Variants in PTPRM observed in about 807,000 individuals in gnomAD.
The protein encoded by PTPRM is protein tyrosine phosphatase receptor type M.
A neutral mutation model predicts 186.7 loss-of-function variants in PTPRM; 47 were observed. That is an observed-to-expected ratio of 0.25 (90% confidence interval 0.20 to 0.32). The LOEUF (loss-of-function observed/expected upper bound fraction) is 0.32, where lower values mean the gene tolerates loss of function less well. Ranked by LOEUF, PTPRM falls within the 10% of genes least tolerant of loss-of-function variation. The pLI, the probability that PTPRM is intolerant of heterozygous loss-of-function variation, is 1.00. For missense variants in PTPRM, 1,494 were observed against 1,865.0 expected (o/e 0.80, Z 3.66); for synonymous variants, 668 against 674.9 (o/e 0.99, Z 0.16).
chr18:7,885,378 A>C (rs1303038416), intron 2 of PTPRM, among the ~76,000 whole-genome samples: 1 of 151,142 alleles, frequency 6.6e-6, no homozygotes, highest in African/African-American at 2.4e-5. Context: ...AAACCACCAA[A>C]CCCCCCTTCT....
chr18:8,156,845 C>T (rs1013573924), intron 14 of PTPRM, among the ~76,000 whole-genome samples: 3 of 142,890 alleles, frequency 2.1e-5, no homozygotes, highest in East Asian at 2.2e-4. Flanking sequence ...ATGCTTTTTT[C>T]GTATCCTCCT....
chr18:8,156,322 T>C (rs1424095947), intron 14 of PTPRM, among the ~76,000 whole-genome samples: 2 of 152,172 alleles, frequency 1.3e-5, no homozygotes, highest in African/African-American at 4.8e-5. Flanking sequence ...GAGGAAAGTG[T>C]CAGAGAATGA....
intron 7 of PTPRM, among the ~76,000 whole-genome samples, chr18:8,016,346 C>G (rs979717427): frequency 1.4e-4 from 22 of 151,914 alleles, no homozygotes; most frequent in African/African-American, 5.3e-4. Flanking sequence ...ATGGTGAAAC[C>G]TCGTCTCTAC....
rs75389285 is a variant in PTPRM at position 7,942,778 on chromosome 18, A to G, written c.664-6403A>G. ...TTTCCTGCACTGCATCAACACTAAC[A>G]AAGTGGAGGGTGAGGTCTCTCTCCT... On this transcript the variant is annotated intron_variant, in intron 5 of 32. Transcript: ENST00000580170. 4.8e-3 allele frequency among the ~76,000 whole-genome samples: 735 copies of G among 152,204 alleles called. 6 individuals are homozygous for G. The highest frequency in any genetic ancestry group is 0.017 in the African/African-American group (698 of 41,536).
At chr18:8,397,829 G>A (rs1027341039) in intron 32 of PTPRM, among the ~76,000 whole-genome samples, 7 of 152,176 alleles carry the variant, frequency 4.6e-5, no homozygotes, top group Non-Finnish European at 8.8e-5. Flanking sequence ...TTTTAACATA[G>A]AAATGGTCTT....
chr18:7,985,062 T>G (rs534780415), intron 7 of PTPRM, among the ~76,000 whole-genome samples: 1 of 124,232 alleles, frequency 8.0e-6, no homozygotes, highest in South Asian at 2.4e-4. Flanking sequence ...TATATACATA[T>G]AATTGTATAT....
intron 22 of PTPRM, among the ~76,000 whole-genome samples, chr18:8,319,514 A>T (rs2095332421): frequency 6.6e-6 from 1 of 152,174 alleles, no homozygotes; most frequent in Non-Finnish European, 1.5e-5. Flanking sequence ...TTCCATCAAT[A>T]TACACCAGCT....
intron 23 of PTPRM, among the ~76,000 whole-genome samples, chr18:8,347,469 A>G (rs1158416353): frequency 6.6e-6 from 1 of 152,210 alleles, no homozygotes; most frequent in Admixed American, 6.5e-5. Flanking sequence ...AGCAAAAAAT[A>G]ATAATTACAC....
At chr18:7,856,167 T>TTCCCA (rs2047083766) in intron 2 of PTPRM, among the ~76,000 whole-genome samples, 2 of 152,138 alleles carry the variant, frequency 1.3e-5, no homozygotes, top group South Asian at 4.2e-4. Context: ...CTATTTTCCA[T>TTCCCA]GGGAATGGAA....
At chr18:7,602,997 G>A (rs931870573) in intron 1 of PTPRM, among the ~76,000 whole-genome samples, 6 of 150,790 alleles carry the variant, frequency 4.0e-5, no homozygotes, top group Admixed American at 6.6e-5. Flanking sequence ...TTGTGATCTC[G>A]GCTCGCTACA....
rs112403132 is a variant in PTPRM, at chr18:8,279,989, G to A, written c.2755-16379G>A. Among the ~76,000 whole-genome samples, 373 of 152,278 alleles carry A rather than the reference G, an allele frequency of 2.4e-3. 3 individuals are homozygous for A. Among genetic ancestry groups the A allele is most frequent in the African/African-American group, 8.5e-3 (354 of 41,550 alleles). ...TTAAATTCATATGTTGGCATTCAGG[G>A]TTACACATCAGAATCGCTTCCATTT... is the stretch of plus-strand genomic sequence containing the variant. On this transcript the variant is annotated intron_variant, in intron 19 of 32. Transcript: ENST00000580170.
intron 1 of PTPRM, among the ~76,000 whole-genome samples, chr18:7,680,861 C>G (rs1388501088): frequency 6.6e-6 from 1 of 152,008 alleles, no homozygotes; most frequent in Non-Finnish European, 1.5e-5. Context: ...TGTTGCTTTT[C>G]CTTCCCCCAC....
intron 5 of PTPRM, among the ~76,000 whole-genome samples, chr18:7,931,231 T>C (rs1335346031): frequency 4.4e-5 from 2 of 45,820 alleles, no homozygotes; most frequent in African/African-American, 1.4e-4. Context: ...GCACCCAAAA[T>C]ATTACTGTAA....
At chr18:7,896,380 A>G (rs1307371493) in intron 3 of PTPRM, among the ~76,000 whole-genome samples, 1 of 152,158 alleles carries the variant, frequency 6.6e-6, no homozygotes, top group African/African-American at 2.4e-5. Flanking sequence ...CTAATCATGC[A>G]TGCACCCCAG....
chr18:8,069,885 C>A lies in PTPRM; in HGVS notation c.1332C>A (p.His444Gln). 1 of 1,613,726 alleles carries A rather than the reference C, an allele frequency of 6.2e-7. No homozygotes were observed. Among genetic ancestry groups the A allele is most frequent in the East Asian group, 2.2e-5 (1 of 44,868 alleles). The change falls in exon 8 of 33, where the codon CAC (histidine) becomes CAA (glutamine). Residue 444 changes from histidine to glutamine, a missense_variant. Transcript: ENST00000580170. ...ATACAGAAAACTCACACCCTCAACA[C>A]ACGATCACTAACCTGTCACCATACA... is the stretch of plus-strand genomic sequence containing the variant. ...SWDTENSHPQ[H>Q]TITNLSPYTN...
At chr18:7,846,141 C>A (rs1461518752) in intron 2 of PTPRM, among the ~76,000 whole-genome samples, 1 of 152,130 alleles carries the variant, frequency 6.6e-6, no homozygotes, top group Non-Finnish European at 1.5e-5. Flanking sequence ...GTGTTTGCTG[C>A]AGCTGGGACC....
chr18:8,397,878 G>A (rs1380705899), intron 32 of PTPRM, among the ~76,000 whole-genome samples: 1 of 152,202 alleles, frequency 6.6e-6, no homozygotes. Flanking sequence ...AGTGTCCCCT[G>A]TGAGGTGGTG....
intron 1 of PTPRM, among the ~76,000 whole-genome samples, chr18:7,733,092 A>G (rs1307169257): frequency 1.3e-5 from 2 of 152,090 alleles, no homozygotes; most frequent in African/African-American, 4.8e-5. Context: ...TTTGTATTTT[A>G]AGTTCCGGGA....
intron 1 of PTPRM, among the ~76,000 whole-genome samples, chr18:7,676,708 C>A: frequency 6.6e-6 from 1 of 151,374 alleles, no homozygotes; most frequent in African/African-American, 2.4e-5. Flanking sequence ...CGCGCACGCG[C>A]ATGGATTAGG....
Sources: gnomAD v4.1 joint callset for allele counts (sites outside exome capture counted in the v4.1 genomes callset) on GRCh38, gnomAD v4.1.1 for gene constraint, MANE v1.5 for transcripts, NCBI Gene and HGNC (gene_info 2026-07-23, HGNC 2026-07-21) for gene names.